UGT8: variants seen among roughly 807,000 people sequenced by gnomAD.
UGT8 encodes 2-hydroxyacylsphingosine 1-beta-galactosyltransferase.
Under a neutral mutation model 40.5 loss-of-function variants are expected in UGT8, and 12 were observed. That is an observed-to-expected ratio of 0.30 (90% confidence interval 0.19 to 0.48). The LOEUF is 0.48. Ranked by LOEUF, UGT8 falls within the 20% of genes least tolerant of loss-of-function variation. UGT8 has a pLI of 0.99. For missense variants in UGT8, 513 were observed against 648.7 expected (o/e 0.79, Z 2.27); for synonymous variants, 224 against 240.4 (o/e 0.93, Z 0.63).
At chr4:114,621,419 A>T (rs1731782928) in intron 1 of UGT8, among the ~76,000 whole-genome samples, 1 of 152,228 alleles carries the variant, frequency 6.6e-6, no homozygotes, top group Non-Finnish European at 1.5e-5. Flanking sequence ...GTATTTAGGT[A>T]AAGGGAAAAT....
intron 5 of UGT8, among the ~76,000 whole-genome samples, chr4:114,673,135 T>C (rs990161553): frequency 2.7e-5 from 4 of 149,592 alleles, no homozygotes; most frequent in Non-Finnish European, 4.4e-5. Context: ...CTAAGAGATC[T>C]CTTGGAATAA....
chr4:114,599,661 A>G (rs1265946203), intron 1 of UGT8, among the ~76,000 whole-genome samples: 1 of 152,144 alleles, frequency 6.6e-6, no homozygotes, highest in Non-Finnish European at 1.5e-5. Flanking sequence ...CCCTTGCATT[A>G]GAGAAGCCTG....
chr4:114,607,906 A>G (rs1730827887), intron 1 of UGT8, among the ~76,000 whole-genome samples: 1 of 151,926 alleles, frequency 6.6e-6, no homozygotes, highest in Non-Finnish European at 1.5e-5. Context: ...TGGGCCTTCC[A>G]TCACCTCCTA....
intron 1 of UGT8, among the ~76,000 whole-genome samples, chr4:114,621,572 G>C (rs1392125026): frequency 1.3e-5 from 2 of 152,106 alleles, no homozygotes; most frequent in Non-Finnish European, 1.5e-5. Context: ...GAATTAAAAT[G>C]ATTTAAATAA....
chr4:114,613,910 A>G (rs1414696745), intron 1 of UGT8, among the ~76,000 whole-genome samples: 1 of 152,238 alleles, frequency 6.6e-6, no homozygotes, highest in Non-Finnish European at 1.5e-5. Flanking sequence ...TGTTTTAAAT[A>G]GTTAAATTTA....
In UGT8 at chr4:114,623,423, C is replaced by T. The variant is rs1310500660; in HGVS notation, c.543C>T (p.Asn181=). ...CATTAGCATACGTCCCAGAGTTTAA[C>T]TCACTCCTCACAGACCGCATGAACT... The part of the protein sequence containing the change: ...PAPLAYVPEF[N]SLLTDRMNLL... The change falls in exon 2 of 6, where the codon AAC becomes AAT. Residue 181 remains asparagine, a synonymous_variant. Transcript: ENST00000310836. 8.1e-6 allele frequency: 13 copies of T among 1,614,190 alleles called. No individual in the cohort carries two copies. The highest frequency in any genetic ancestry group is 8.5e-6 in the Non-Finnish European group (10 of 1,180,022).
At chr4:114,600,306 G>A in intron 1 of UGT8, among the ~76,000 whole-genome samples, 1 of 152,112 alleles carries the variant, frequency 6.6e-6, no homozygotes. Context: ...AGTCCCCTCA[G>A]GCTGTCACCT....
intron 2 of UGT8, among the ~76,000 whole-genome samples, chr4:114,635,028 C>CT (rs200596668): frequency 0.041 from 5,739 of 141,504 alleles, 224 homozygotes; most frequent in East Asian, 0.14. Flanking sequence ...ACTAGTGAAG[C>CT]TTTTTTTTTT....
At chr4:114,635,277 G>A (rs560029397) in intron 2 of UGT8, among the ~76,000 whole-genome samples, 51 of 151,938 alleles carry the variant, frequency 3.4e-4, no homozygotes, top group African/African-American at 1.2e-3. Context: ...CTTGAAGCCC[G>A]GAGGCAGAGG....
intron 4 of UGT8, 46 bp downstream of exon 4, chr4:114,665,802 T>G: frequency 6.6e-7 from 1 of 1,524,344 alleles, no homozygotes. Flanking sequence ...TAGGTTTTAA[T>G]TACATAAATG....
chr4:114,612,898 CT>C (rs1473315993), intron 1 of UGT8, among the ~76,000 whole-genome samples: 6 of 152,188 alleles, frequency 3.9e-5, no homozygotes, highest in South Asian at 4.1e-4. Flanking sequence ...AATTCTTTTT[CT>C]TTTCATTTTG....
At chr4:114,641,038 T>A (rs775021284) in intron 2 of UGT8, among the ~76,000 whole-genome samples, 7 of 152,192 alleles carry the variant, frequency 4.6e-5, no homozygotes, top group Non-Finnish European at 8.8e-5. Flanking sequence ...GTGGAGAAGT[T>A]CTACTAAACT....
intron 2 of UGT8, among the ~76,000 whole-genome samples, chr4:114,661,345 T>C (rs573109173): frequency 1.3e-5 from 2 of 152,272 alleles, no homozygotes; most frequent in African/African-American, 4.8e-5. Context: ...TGTTATTAAA[T>C]AAATTTGCTT....
chr4:114,665,008 G>A (rs1274175077), intron 3 of UGT8, among the ~76,000 whole-genome samples: 3 of 152,074 alleles, frequency 2.0e-5, no homozygotes, highest in East Asian at 1.9e-4. Flanking sequence ...CTTCAGATTC[G>A]AGTCCCATTG....
intron 2 of UGT8, among the ~76,000 whole-genome samples, chr4:114,658,649 A>G (rs1578457343): frequency 1.3e-5 from 2 of 152,304 alleles, no homozygotes; most frequent in Admixed American, 1.3e-4. Flanking sequence ...CTCATTTTTT[A>G]AGAAGCTACT....
chr4:114,644,926 A>G (rs1733470057), intron 2 of UGT8, among the ~76,000 whole-genome samples: 1 of 152,088 alleles, frequency 6.6e-6, no homozygotes, highest in African/African-American at 2.4e-5. Flanking sequence ...TTATGTCTTA[A>G]TATTCCTAAT....
At chr4:114,621,167 A>G (rs1004283440) in intron 1 of UGT8, among the ~76,000 whole-genome samples, 1 of 152,152 alleles carries the variant, frequency 6.6e-6, no homozygotes, top group Non-Finnish European at 1.5e-5. Flanking sequence ...AAGGTAGGAG[A>G]AGTACTGGCC....
At chr4:114,612,801 A>C (rs1205176768) in intron 1 of UGT8, among the ~76,000 whole-genome samples, 1 of 152,176 alleles carries the variant, frequency 6.6e-6, no homozygotes, top group East Asian at 1.9e-4. Flanking sequence ...ACGTCTACTG[A>C]ACCACAATTT....
chr4:114,636,766 T>C (rs1732913057), intron 2 of UGT8, among the ~76,000 whole-genome samples: 1 of 152,136 alleles, frequency 6.6e-6, no homozygotes, highest in South Asian at 2.1e-4. Context: ...TACCCTACAT[T>C]GGAACCCTGT....
Sources: gnomAD v4.1 joint callset for allele counts (sites outside exome capture counted in the v4.1 genomes callset) on GRCh38, gnomAD v4.1.1 for gene constraint, MANE v1.5 for transcripts, NCBI Gene and HGNC (gene_info 2026-07-23, HGNC 2026-07-21) for gene names.